GULP1: variants seen among roughly 807,000 people sequenced by gnomAD.
GULP1 encodes PTB domain-containing engulfment adapter protein 1.
In GULP1, 19 loss-of-function variants were observed where a neutral mutation model predicts 40.9. The ratio of observed to expected loss-of-function variants is 0.46; its 90% CI spans 0.32 to 0.68. The LOEUF is 0.68. Ranked by LOEUF, GULP1 falls within the 30% of genes least tolerant of loss-of-function variation. The pLI, the probability that GULP1 is intolerant of heterozygous loss-of-function variation, is 0.03. For synonymous variants in GULP1, 119 were observed against 117.6 expected (o/e 1.01, Z -0.08); for missense variants, 312 against 362.2 (o/e 0.86, Z 1.12).
At chr2:188,369,552 T>A (rs954497167) in intron 1 of GULP1, among the ~76,000 whole-genome samples, 2 of 152,066 alleles carry the variant, frequency 1.3e-5, no homozygotes, top group South Asian at 4.2e-4. Flanking sequence ...ATTCCCTCTC[T>A]GCCCCCTAGT....
chr2:188,455,847 C>A (rs941938122), intron 2 of GULP1, among the ~76,000 whole-genome samples: 1 of 152,122 alleles, frequency 6.6e-6, no homozygotes, highest in South Asian at 2.1e-4. Context: ...TGGCTTTGAC[C>A]AAAATGCTGA....
chr2:188,433,129 C>T (rs2057058342), intron 2 of GULP1, among the ~76,000 whole-genome samples: 1 of 152,032 alleles, frequency 6.6e-6, no homozygotes, highest in Non-Finnish European at 1.5e-5. Context: ...CACTAGAAGA[C>T]CATAACCAGA....
At chr2:188,440,662 T>C (rs1348348034) in intron 2 of GULP1, among the ~76,000 whole-genome samples, 1 of 152,116 alleles carries the variant, frequency 6.6e-6, no homozygotes, top group Non-Finnish European at 1.5e-5. Flanking sequence ...CCTCCTGGGT[T>C]CAAGCATTTC....
At chr2:188,337,638 C>T (rs561514341) in intron 1 of GULP1, among the ~76,000 whole-genome samples, 3 of 151,674 alleles carry the variant, frequency 2.0e-5, no homozygotes, top group African/African-American at 7.3e-5. Context: ...TGTGTTGTAC[C>T]CAGATCTTGG....
At chr2:188,379,161 C>T (rs1166046968) in intron 1 of GULP1, among the ~76,000 whole-genome samples, 3 of 152,082 alleles carry the variant, frequency 2.0e-5, no homozygotes, top group African/African-American at 7.2e-5. Flanking sequence ...AGCTTCAAAG[C>T]ACTGCAGAAA....
intron 1 of GULP1, among the ~76,000 whole-genome samples, chr2:188,366,411 C>T (rs1404307003): frequency 2.0e-5 from 3 of 152,074 alleles, no homozygotes; most frequent in African/African-American, 7.2e-5. Context: ...CTCCATGTCA[C>T]ATATCTGACT....
intron 2 of GULP1, among the ~76,000 whole-genome samples, chr2:188,474,415 G>A (rs1197601379): frequency 2.0e-5 from 3 of 152,152 alleles, no homozygotes; most frequent in African/African-American, 4.8e-5. Flanking sequence ...AGTTTCGACA[G>A]CTGGGATCAG....
rs544707538 is a variant in GULP1 at position 188,536,987 on chromosome 2, T to C, written c.262-4194T>C. Among the ~76,000 whole-genome samples, 13 of 152,206 alleles carry C rather than the reference T, an allele frequency of 8.5e-5. No homozygotes were observed. In the East Asian group the frequency reaches 2.3e-3, roughly 27 times the overall value. Reference sequence around the variant, plus strand: ...TTATTGATTTGTCTCTCAGCTTTAATGTTATTGGTATACAGAAATGCTACT... The same window carrying C: ...TTATTGATTTGTCTCTCAGCTTTAACGTTATTGGTATACAGAAATGCTACT... On this transcript the variant is annotated intron_variant, in intron 6 of 11. Transcript: ENST00000409830.
At chr2:188,414,493 G>GA (rs1220723208) in intron 2 of GULP1, among the ~76,000 whole-genome samples, 1 of 152,050 alleles carries the variant, frequency 6.6e-6, no homozygotes, top group Non-Finnish European at 1.5e-5. Context: ...ATCTTCATTG[G>GA]AAAAAAACAT....
chr2:188,463,092 T>G (rs1198819013), intron 2 of GULP1, among the ~76,000 whole-genome samples: 1 of 152,202 alleles, frequency 6.6e-6, no homozygotes, highest in Non-Finnish European at 1.5e-5. Context: ...TTTTTCTGTA[T>G]TCTCACTATT....
At chr2:188,460,541 T>C (rs1334927273) in intron 2 of GULP1, among the ~76,000 whole-genome samples, 1 of 152,124 alleles carries the variant, frequency 6.6e-6, no homozygotes, top group African/African-American at 2.4e-5. Flanking sequence ...TAGTTATTTT[T>C]GTGTTTTGGT....
intron 4 of GULP1, among the ~76,000 whole-genome samples, chr2:188,513,595 T>C (rs531491835): frequency 1.3e-5 from 2 of 152,190 alleles, no homozygotes; most frequent in Non-Finnish European, 2.9e-5. Flanking sequence ...CTTATTTTCA[T>C]TGATACATTT....
At chr2:188,412,215 G>A (rs899905662) in intron 2 of GULP1, among the ~76,000 whole-genome samples, 5 of 152,074 alleles carry the variant, frequency 3.3e-5, no homozygotes, top group African/African-American at 1.2e-4. Flanking sequence ...CCAGCAAAAG[G>A]GGGAGAAGCC....
intron 4 of GULP1, among the ~76,000 whole-genome samples, chr2:188,496,392 G>C (rs2062896582): frequency 2.0e-5 from 3 of 151,872 alleles, no homozygotes. Context: ...CAAACATTTG[G>C]CGAGGAGATG....
At chr2:188,537,839 T>G (rs1177044232) in intron 6 of GULP1, among the ~76,000 whole-genome samples, 1 of 152,054 alleles carries the variant, frequency 6.6e-6, no homozygotes, top group Non-Finnish European at 1.5e-5. Flanking sequence ...TTGGTAGATT[T>G]TTTATTACTG....
chr2:188,445,410 G>A (rs1447818942), intron 2 of GULP1, among the ~76,000 whole-genome samples: 5 of 152,248 alleles, frequency 3.3e-5, no homozygotes, highest in Admixed American at 2.0e-4. Context: ...AGTGACTAAA[G>A]CAAGGACTGT....
chr2:188,320,318 C>A (rs767466071), intron 1 of GULP1, among the ~76,000 whole-genome samples: 4 of 152,102 alleles, frequency 2.6e-5, no homozygotes, highest in Non-Finnish European at 5.9e-5. Flanking sequence ...TTAAAATTAT[C>A]ATAAATAGAA....
intron 1 of GULP1, among the ~76,000 whole-genome samples, chr2:188,296,641 T>A (rs1285618532): frequency 6.6e-6 from 1 of 152,118 alleles, no homozygotes; most frequent in Non-Finnish European, 1.5e-5. Context: ...TTAACTTATA[T>A]AGAAATTAAG....
At chr2:188,518,667 T>C (rs1247419598) in intron 4 of GULP1, among the ~76,000 whole-genome samples, 4 of 152,152 alleles carry the variant, frequency 2.6e-5, no homozygotes, top group Admixed American at 6.5e-5. Context: ...TCTGAGTTGA[T>C]AAAGTGGATC....
Sources: gnomAD v4.1 joint callset for allele counts (sites outside exome capture counted in the v4.1 genomes callset) on GRCh38, gnomAD v4.1.1 for gene constraint, MANE v1.5 for transcripts, NCBI Gene and HGNC (gene_info 2026-07-23, HGNC 2026-07-21) for gene names.